Variants in NFIB observed in about 807,000 individuals in gnomAD.
NFIB encodes the protein nuclear factor 1 B-type.
Under a neutral mutation model 61.5 loss-of-function variants are expected in NFIB, and 11 were observed. The observed-to-expected ratio is 0.18, with a 90% CI of 0.11 to 0.30. The LOEUF is 0.30. NFIB is among the 10% of genes least tolerant of loss of function. The pLI is 1.00. For synonymous variants in NFIB, 260 were observed against 216.5 expected, an observed-to-expected ratio of 1.20 and a Z score of -1.76; for missense variants, 471 against 608.9, an observed-to-expected ratio of 0.77 and a Z score of 2.38.
chr9:14,320,710 T>C (rs1345241560), intron 1 of NFIB, among the ~76,000 whole-genome samples: 1 of 152,240 alleles, frequency 6.6e-6, no homozygotes, highest in Non-Finnish European at 1.5e-5. Context: ...CCTGCTTATT[T>C]ACACGTGCAT....
intron 2 of NFIB, among the ~76,000 whole-genome samples, chr9:14,219,496 G>C (rs2051378731): frequency 6.9e-6 from 1 of 145,100 alleles, no homozygotes; most frequent in Non-Finnish European, 1.5e-5. Context: ...AACTATTTTT[G>C]TTTGCAGGCT....
intron 10 of NFIB, chr9:14,102,337 T>G: frequency 8.7e-7 from 1 of 1,148,914 alleles, no homozygotes; most frequent in Non-Finnish European, 1.2e-6. Flanking sequence ...AACATATATT[T>G]TCTGTAAAGC....
At chr9:14,121,475 G>C (rs1007693249) in intron 7 of NFIB, among the ~76,000 whole-genome samples, 1 of 152,170 alleles carries the variant, frequency 6.6e-6, no homozygotes, top group Non-Finnish European at 1.5e-5. Context: ...TGTTTAGAAG[G>C]AAAGACAATA....
intron 2 of NFIB, among the ~76,000 whole-genome samples, chr9:14,231,033 G>A (rs1277051364): frequency 6.7e-6 from 1 of 149,098 alleles, no homozygotes; most frequent in Non-Finnish European, 1.5e-5. Flanking sequence ...TGTAGTGGCA[G>A]AGCTGCCACT....
the NFIB span, among the ~76,000 whole-genome samples, chr9:14,478,691 T>C: frequency 3.6e-3 from 552 of 152,336 alleles, 3 homozygotes; most frequent in African/African-American, 0.012. Context: ...TATTACTCCA[T>C]AGTGTATTAT....
At chr9:14,492,162 G>C in the NFIB span, among the ~76,000 whole-genome samples, 1 of 151,992 alleles carries the variant, frequency 6.6e-6, no homozygotes, top group Non-Finnish European at 1.5e-5. Flanking sequence ...AGGAGATCGA[G>C]ACCATCCTGG....
chr9:14,484,590 G>C, the NFIB span, among the ~76,000 whole-genome samples: 1 of 152,172 alleles, frequency 6.6e-6, no homozygotes, highest in Non-Finnish European at 1.5e-5. Flanking sequence ...ATAGGTATGT[G>C]TGAATTCAGG....
At chr9:14,335,568 T>C (rs2060877022) in intron 1 of NFIB, among the ~76,000 whole-genome samples, 1 of 152,254 alleles carries the variant, frequency 6.6e-6, no homozygotes, top group Non-Finnish European at 1.5e-5. Context: ...TTTTAAGTTT[T>C]TTGTATACTG....
At chr9:14,141,542 A>T (rs1338349307) in intron 6 of NFIB, among the ~76,000 whole-genome samples, 1 of 152,178 alleles carries the variant, frequency 6.6e-6, no homozygotes, top group Non-Finnish European at 1.5e-5. Context: ...ATTTTTCTAA[A>T]TAGTAAAAGT....
At chr9:14,258,044 T>C (rs566918605) in intron 2 of NFIB, among the ~76,000 whole-genome samples, 3 of 152,336 alleles carry the variant, frequency 2.0e-5, no homozygotes, top group Non-Finnish European at 4.4e-5. Context: ...GCTGTAGCTG[T>C]TGTGGTGGTC....
intron 1 of NFIB, among the ~76,000 whole-genome samples, chr9:14,341,786 G>A (rs931378858): frequency 2.0e-5 from 3 of 152,118 alleles, no homozygotes; most frequent in African/African-American, 7.2e-5. Context: ...ACCTGGTTCT[G>A]CTTCTGGGGA....
At chr9:14,421,953 C>G in the NFIB span, among the ~76,000 whole-genome samples, 1 of 151,908 alleles carries the variant, frequency 6.6e-6, no homozygotes, top group African/African-American at 2.4e-5. Context: ...ATTTTTTTCA[C>G]TTTTCTACCT....
At chr9:14,400,397 G>A (rs1038817970), upstream of NFIB, among the ~76,000 whole-genome samples, 1 of 152,280 alleles carries the variant, frequency 6.6e-6, no homozygotes, top group Non-Finnish European at 1.5e-5. Flanking sequence ...AGATGACTTT[G>A]CAGAATAAAA....
chr9:14,382,034 G>A (rs2061494205), intron 1 of NFIB, among the ~76,000 whole-genome samples: 1 of 152,132 alleles, frequency 6.6e-6, no homozygotes, highest in South Asian at 2.1e-4. Flanking sequence ...TTTTTAAGAG[G>A]GAAGTTAAAA....
At chr9:14,503,870 G>C in the NFIB span, among the ~76,000 whole-genome samples, 2 of 152,084 alleles carry the variant, frequency 1.3e-5, no homozygotes, top group African/African-American at 4.8e-5. Context: ...ATTTGCTTTT[G>C]GGTTCTTGGT....
At position 14,150,161 on chromosome 9, in the gene NFIB, A is replaced by G; in HGVS notation, c.790T>C (p.Ser264Pro). Residue 264 changes from serine to proline, a missense_variant, in exon 5 of 11, where the codon TCT becomes CCT. Ser to Pro is a moderately conservative substitution (Grantham distance 74). Around this residue, in one of 2 missense-constraint regions of NFIB, gnomAD observed 372 missense variants for 395.6 expected, o/e 0.94. Coordinates refer to ENST00000380953, the MANE Select transcript of NFIB (RefSeq NM_001190737.2). ...TTTCAGTACCTGCTTGGTGGAGAAGACAGAGACCTCTGAAGATTGACCCCC... is the reference window on the plus strand; with the variant it reads ...TTTCAGTACCTGCTTGGTGGAGAAGGCAGAGACCTCTGAAGATTGACCCCC... ...NSGVNLQRSL[S>P]SPPSSKRPKT... 1 of 1,613,422 alleles carries G rather than the reference A, an allele frequency of 6.2e-7. No individual in the cohort carries two copies. Among genetic ancestry groups the G allele is most frequent in the South Asian group, 1.1e-5 (1 of 91,066 alleles).
At chr9:14,502,358 A>C in the NFIB span, among the ~76,000 whole-genome samples, 1 of 152,222 alleles carries the variant, frequency 6.6e-6, no homozygotes, top group Non-Finnish European at 1.5e-5. Flanking sequence ...ATTGCAGATA[A>C]GGGATTGAGG....
At chr9:14,251,071 T>C (rs1427816098) in intron 2 of NFIB, among the ~76,000 whole-genome samples, 1 of 152,230 alleles carries the variant, frequency 6.6e-6, no homozygotes, top group African/African-American at 2.4e-5. Flanking sequence ...TTAAAGATTA[T>C]AGTATTTTGT....
In NFIB at chr9:14,085,481, A is replaced by C. The variant is rs892193927; in HGVS notation, c.*2828T>G. On this transcript the variant is annotated 3_prime_UTR_variant, in exon 11 of 11. Transcript: ENST00000380953. Reference sequence around the variant, plus strand: ...ATAGTTAAGGTACCATTCCTTAAAAAAATCCCATCAGCATCTAATGGGTTT... The same window carrying C: ...ATAGTTAAGGTACCATTCCTTAAAACAATCCCATCAGCATCTAATGGGTTT... 9.0e-6 allele frequency: 2 copies of C among 221,764 alleles called. No homozygotes were observed. Among genetic ancestry groups the C allele is most frequent in the Non-Finnish European group, 1.8e-5 (2 of 111,084 alleles). The allele number at this position is 221,764 out of a possible 1,614,324, so 13.7% of individuals were successfully genotyped here. A position where few individuals can be genotyped will look rare whatever the true frequency, so the allele number is the denominator to read the frequency against.
Sources: gnomAD v4.1 joint callset for allele counts (sites outside exome capture counted in the v4.1 genomes callset) on GRCh38, gnomAD v4.1.1 for gene constraint, gnomAD v4.1.1 regional missense constraint, MANE v1.5 for transcripts, NCBI Gene and HGNC (gene_info 2026-07-23, HGNC 2026-07-21) for gene names.